Variants in NPAS3 observed in about 807,000 individuals in gnomAD.
NPAS3 encodes the protein neuronal PAS domain-containing protein 3.
A neutral mutation model predicts 73.1 loss-of-function variants in NPAS3; 14 were observed. The observed-to-expected ratio is 0.19, with a 90% CI of 0.13 to 0.30. NPAS3 has a LOEUF of 0.30. Among genes scored for constraint, NPAS3 ranks in the 10% least tolerant of loss-of-function variants. NPAS3 has a pLI of 1.00. For missense variants in NPAS3, 1,096 were observed against 1,250.0 expected (o/e 0.88, Z 1.86); for synonymous variants, 620 against 541.5 (o/e 1.14, Z -2.01).
intron 3 of NPAS3, among the ~76,000 whole-genome samples, chr14:33,229,469 A>T (rs372009098): frequency 2.0e-5 from 3 of 152,336 alleles, no homozygotes; most frequent in African/African-American, 7.2e-5. Context: ...GGCAGGGCTC[A>T]GAGTCACGTG....
intron 1 of NPAS3, among the ~76,000 whole-genome samples, chr14:32,983,025 GA>G (rs958575084): frequency 2.4e-4 from 37 of 151,340 alleles, no homozygotes; most frequent in African/African-American, 8.7e-4. Flanking sequence ...AAGATGAAAG[GA>G]AAAAAAAGTT....
chr14:33,509,939 C>T (rs978250994), intron 4 of NPAS3, among the ~76,000 whole-genome samples: 1 of 151,968 alleles, frequency 6.6e-6, no homozygotes, highest in Non-Finnish European at 1.5e-5. Context: ...AAACGGGGAA[C>T]CTAGCATCAA....
chr14:33,557,925 C>A (rs1480977832), intron 4 of NPAS3, among the ~76,000 whole-genome samples: 1 of 152,140 alleles, frequency 6.6e-6, no homozygotes, highest in Non-Finnish European at 1.5e-5. Flanking sequence ...GCTGCGGTCT[C>A]GCTACCGCAC....
intron 2 of NPAS3, among the ~76,000 whole-genome samples, chr14:33,177,538 T>G (rs1311293487): frequency 6.6e-6 from 1 of 152,232 alleles, no homozygotes; most frequent in Non-Finnish European, 1.5e-5. Flanking sequence ...TCAATTTATC[T>G]TTTGTTTGCA....
In NPAS3 at chr14:33,722,616, T is replaced by C. The variant is rs186844829; in HGVS notation, c.734-12598T>C. ...AGATGACTTTGTTTAGGTATTAAGA[T>C]GGAGCAGTGGTCATTGAAACTTATT... is the stretch of plus-strand genomic sequence containing the variant. On this transcript the variant is annotated intron_variant, in intron 6 of 11. Coordinates refer to ENST00000356141, the Ensembl canonical transcript of NPAS3. Among the ~76,000 whole-genome samples the C allele has an allele frequency of 1.0e-3, 159 of 152,072 alleles. 1 individual carries two copies. The highest frequency in any genetic ancestry group is 6.8e-3 in the Middle Eastern group (2 of 294).
At chr14:33,735,437 T>C in intron 7 of NPAS3, 105 bp downstream of exon 7, 1 of 791,152 alleles carries the variant, frequency 1.3e-6, no homozygotes. Context: ...ATACATGTGA[T>C]CTTGAGGAGC....
At chr14:33,205,554 TG>T (rs1225387181) in intron 2 of NPAS3, among the ~76,000 whole-genome samples, 5 of 152,162 alleles carry the variant, frequency 3.3e-5, no homozygotes, top group African/African-American at 1.2e-4. Flanking sequence ...GAAATAACAA[TG>T]TGTCTTAAAA....
chr14:33,756,636 A>G (rs537207781), intron 7 of NPAS3, among the ~76,000 whole-genome samples: 15 of 152,374 alleles, frequency 9.8e-5, no homozygotes, highest in Middle Eastern at 3.4e-3. Context: ...TATGTGCTCT[A>G]CCTACCTTAG....
At chr14:33,144,435 A>T (rs1446561378) in intron 2 of NPAS3, among the ~76,000 whole-genome samples, 1 of 152,254 alleles carries the variant, frequency 6.6e-6, no homozygotes, top group Non-Finnish European at 1.5e-5. Context: ...CGTTTTCATC[A>T]GTTGCTGAGA....
chr14:33,096,119 C>G (rs1018674620), intron 2 of NPAS3, among the ~76,000 whole-genome samples: 1 of 151,428 alleles, frequency 6.6e-6, no homozygotes, highest in Non-Finnish European at 1.5e-5. Context: ...AATCTAATAT[C>G]GTTAGGTTTA....
Position 33,147,027 on chromosome 14 carries a change from G to A in NPAS3, c.141-68155G>A, listed in dbSNP as rs79615389. On this transcript the variant is annotated intron_variant, in intron 2 of 11. Transcript: ENST00000356141. Reference sequence around the variant, plus strand: ...AATCACTTCCTAATTTATATGTGGAGCAAGTTAAGATTTTTGTATGTCAGG... The same window carrying A: ...AATCACTTCCTAATTTATATGTGGAACAAGTTAAGATTTTTGTATGTCAGG... Among the ~76,000 whole-genome samples the A allele has an allele frequency of 3.3e-4, 50 of 152,184 alleles. No homozygotes were observed. The East Asian group carries it at 3.5e-3, about 11-fold the overall frequency.
intron 6 of NPAS3, among the ~76,000 whole-genome samples, chr14:33,703,335 T>G (rs985255583): frequency 6.6e-6 from 1 of 151,900 alleles, no homozygotes; most frequent in Non-Finnish European, 1.5e-5. Context: ...AAAAAAAAAT[T>G]TTGAAAACAT....
chr14:33,044,065 C>T (rs1416163784), intron 1 of NPAS3, among the ~76,000 whole-genome samples: 1 of 152,180 alleles, frequency 6.6e-6, no homozygotes, highest in African/African-American at 2.4e-5. Flanking sequence ...ATGTTAGTAT[C>T]ACTTGCATTC....
chr14:32,976,871 G>T (rs942935681), intron 1 of NPAS3, among the ~76,000 whole-genome samples: 1 of 152,120 alleles, frequency 6.6e-6, no homozygotes, highest in Admixed American at 6.5e-5. Flanking sequence ...TCTGGCCCTC[G>T]CTTCAGCTGT....
chr14:33,035,053 A>G (rs1234858768), intron 1 of NPAS3, among the ~76,000 whole-genome samples: 2 of 152,210 alleles, frequency 1.3e-5, no homozygotes, highest in Non-Finnish European at 2.9e-5. Context: ...TCTTTCACTT[A>G]ATGACTGATC....
At chr14:33,327,467 AACAAAGAT>A (rs1284726201) in intron 3 of NPAS3, among the ~76,000 whole-genome samples, 1 of 152,226 alleles carries the variant, frequency 6.6e-6, no homozygotes, top group Non-Finnish European at 1.5e-5. Flanking sequence ...TTGTGAAGAA[AACAAAGAT>A]ACACAGGAAG....
intron 1 of NPAS3, among the ~76,000 whole-genome samples, chr14:32,990,823 A>G (rs1339301950): frequency 6.7e-6 from 1 of 150,094 alleles, no homozygotes; most frequent in Non-Finnish European, 1.5e-5. Flanking sequence ...GCTACTTGGG[A>G]GGCTGAAGTG....
intron 4 of NPAS3, among the ~76,000 whole-genome samples, chr14:33,374,121 T>C (rs1328744814): frequency 6.6e-6 from 1 of 152,170 alleles, no homozygotes; most frequent in Non-Finnish European, 1.5e-5. Context: ...TTTCTGTTTG[T>C]TAGTCAAAGT....
chr14:33,092,788 A>G (rs190220952), intron 2 of NPAS3, among the ~76,000 whole-genome samples: 8 of 152,354 alleles, frequency 5.3e-5, no homozygotes, highest in Non-Finnish European at 8.8e-5. Context: ...CCAATGGAAC[A>G]GAACAGAGCC....
Sources: allele counts gnomAD v4.1 joint callset (sites outside exome capture counted in the v4.1 genomes callset), GRCh38; gene constraint gnomAD v4.1.1; transcripts MANE v1.5; gene names NCBI Gene and HGNC (gene_info 2026-07-23, HGNC 2026-07-21).